FBRSL1: variants seen among roughly 807,000 people sequenced by gnomAD.
FBRSL1 encodes the protein fibrosin like 1.
Under a neutral mutation model 89.6 loss-of-function variants are expected in FBRSL1, and 51 were observed. That is an observed-to-expected ratio of 0.57 (90% confidence interval 0.45 to 0.72). The LOEUF (loss-of-function observed/expected upper bound fraction) is 0.72. Among genes scored for constraint, FBRSL1 ranks in the 30% least tolerant of loss-of-function variants. The pLI, the probability that FBRSL1 is intolerant of heterozygous loss-of-function variation, is 0.00. For missense variants in FBRSL1, 1,618 were observed against 1,451.8 expected (o/e 1.11, Z -1.86); for synonymous variants, 779 against 681.1 (o/e 1.14, Z -2.24).
intron 5 of FBRSL1, among the ~76,000 whole-genome samples, chr12:132,561,356 T>G (rs999593967): frequency 6.6e-6 from 1 of 152,066 alleles, no homozygotes; most frequent in Non-Finnish European, 1.5e-5. Context: ...GGGCGCCCCC[T>G]TGTGGCCCTG....
intron 5 of FBRSL1, chr12:132,560,345 C>T (rs1200751081): frequency 6.6e-6 from 1 of 152,258 alleles, no homozygotes; most frequent in Non-Finnish European, 1.5e-5. Context: ...GCCTTCTGCC[C>T]ACACCGCCTC....
chr12:132,531,471 C>T (rs895913614), intron 4 of FBRSL1, among the ~76,000 whole-genome samples: 2 of 152,034 alleles, frequency 1.3e-5, no homozygotes, highest in African/African-American at 4.8e-5. Context: ...CCGTGGTACC[C>T]CCGTGTGGTG....
At chr12:132,524,502 C>T (rs1047740322) in intron 2 of FBRSL1, among the ~76,000 whole-genome samples, 3 of 152,220 alleles carry the variant, frequency 2.0e-5, no homozygotes, top group African/African-American at 7.2e-5. Context: ...CTGGCTGAGC[C>T]GAAGGTCGGC....
At chr12:132,572,198 C>T in intron 9 of FBRSL1, 90 bp from the exon 10 acceptor site, 3 of 1,242,990 alleles carry the variant, frequency 2.4e-6, no homozygotes, top group Non-Finnish European at 2.3e-6. Context: ...GCCGTCCTGT[C>T]ACTGCCCAGC....
At position 132,570,087 on chromosome 12, in the gene FBRSL1, C is replaced by A; in HGVS notation, c.853C>A (p.Pro285Thr). ...GCCCCCGCCCGGCTCCCGCGCCAAT[C>A]CCTTGGTGAAGAAGGAACCCCCCGC... is the stretch of plus-strand genomic sequence containing the variant. ...PGPPPGSRANPLVKKEPPAPH... is the reference protein window; with the variant it reads ...PGPPPGSRANTLVKKEPPAPH... The change falls in exon 7 of 19, where the codon CCC becomes ACC. Residue 285 changes from proline to threonine, a missense_variant. Pro to Thr is a conservative substitution (Grantham distance 38, BLOSUM62 -1). Coordinates refer to ENST00000680143, the MANE Select transcript of FBRSL1 (RefSeq NM_001367871.1). 6.7e-7 allele frequency: 1 copy of A among 1,487,632 alleles called. No individual in the cohort carries two copies. 92.2% of individuals were successfully genotyped at this position (1,487,632 alleles called of 1,614,324 possible).
Position 132,576,814 on chromosome 12 carries a change from C to A in FBRSL1, c.1717C>A (p.Pro573Thr), listed in dbSNP as rs2040411611. 1.3e-6 allele frequency: 2 copies of A among 1,550,704 alleles called. No homozygotes were observed. The highest frequency in any genetic ancestry group is 1.4e-5 in the African/African-American group (1 of 73,024). The part of the protein sequence containing the change: ...QQKIKEMQLD[P>T]HKLEVGAKLD... ...ATCCTCCCAGGAGATGCAGCTGGACCCCCACAAGCTGGAGGTGGGTGCAAA... is the reference window on the plus strand; with the variant it reads ...ATCCTCCCAGGAGATGCAGCTGGACACCCACAAGCTGGAGGTGGGTGCAAA... The change falls in exon 15 of 19, where the codon CCC becomes ACC. Residue 573 changes from proline (P) to threonine (T), a missense_variant. Physicochemically the swap from Pro to Thr is conservative, Grantham distance 38. Transcript: ENST00000680143.
At chr12:132,528,410 GTGTGAGCAGCCACCTCCAATGCCCTGA>G (rs1566147293) in intron 4 of FBRSL1, among the ~76,000 whole-genome samples, 1 of 152,160 alleles carries the variant, frequency 6.6e-6, no homozygotes, top group African/African-American at 2.4e-5. Context: ...GGTGCCCATG[GTGTGAGCAGCCACCTCCAATGCCCTGA>G]CCGGCACCTG....
At chr12:132,572,653 A>C (rs1420218628) in intron 11 of FBRSL1, 31 bp downstream of exon 11, 6 of 1,480,576 alleles carry the variant, frequency 4.1e-6, no homozygotes, top group South Asian at 2.4e-5. Flanking sequence ...TGGGGCGGGC[A>C]CAGCGGGTGG....
In FBRSL1 at chr12:132,490,866, G is replaced by A; in HGVS notation, c.291+5G>A. The A allele has an allele frequency of 7.9e-7, 1 of 1,259,572 alleles. No individual in the cohort carries two copies. Among genetic ancestry groups the A allele is most frequent in the Non-Finnish European group, 1.1e-6 (1 of 951,674 alleles). The allele number at this position is 1,259,572 out of a possible 1,614,324, so 78.0% of individuals were successfully genotyped here. On this transcript the variant is annotated splice_donor_5th_base_variant and intron_variant, in intron 1 of 18. Coordinates refer to ENST00000680143, the MANE Select transcript of FBRSL1 (RefSeq NM_001367871.1). The stretch of plus-strand genomic sequence containing the variant: ...AGCACCCTGGAGGCCCTGGAGGTAG[G>A]TGGACGGGTGCGGCTTCGCAGGCGT...
At chr12:132,539,220 G>A (rs1311121467) in intron 4 of FBRSL1, among the ~76,000 whole-genome samples, 1 of 152,096 alleles carries the variant, frequency 6.6e-6, no homozygotes, top group Non-Finnish European at 1.5e-5. Flanking sequence ...CTGGGGAGCG[G>A]GCGGAGAGTG....
Position 132,503,016 on chromosome 12 carries a change from C to G in FBRSL1, c.292-5137C>G, listed in dbSNP as rs181816512. 3.7e-3 allele frequency among the ~76,000 whole-genome samples: 561 copies of G among 152,058 alleles called. 6 individuals carry two copies. Among genetic ancestry groups the G allele is most frequent in the African/African-American group, 0.013 (520 of 41,482 alleles). ...TCCGACTTGTCTGCAGGTAGCTCTT[C>G]CCGGCCCGCACAGGGCCAGGCCACA... On this transcript the variant is annotated intron_variant, in intron 1 of 18. Transcript: ENST00000680143.
chr12:132,509,307 G>C, intron 2 of FBRSL1: 2 of 1,249,180 alleles, frequency 1.6e-6, no homozygotes, highest in Non-Finnish European at 2.0e-6. Flanking sequence ...CCCGGACCCT[G>C]GGCAGCCCTG....
chr12:132,515,283 T>G (rs4883522), intron 2 of FBRSL1, among the ~76,000 whole-genome samples: 10,745 of 152,204 alleles, frequency 0.071, 462 homozygotes, highest in Middle Eastern at 0.14. Context: ...ACCACCCAGA[T>G]GACTGGGCTA....
chr12:132,568,564 C>T (rs754313013), intron 6 of FBRSL1, among the ~76,000 whole-genome samples: 9 of 152,394 alleles, frequency 5.9e-5, no homozygotes, highest in Non-Finnish European at 1.2e-4. Context: ...CGGACAATGT[C>T]CCAGTGAGGG....
At chr12:132,501,005 C>T (rs2032879003) in intron 1 of FBRSL1, among the ~76,000 whole-genome samples, 1 of 152,236 alleles carries the variant, frequency 6.6e-6, no homozygotes, top group Non-Finnish European at 1.5e-5. Flanking sequence ...CGTGCCTCTC[C>T]CCAGGGACCA....
In FBRSL1 at chr12:132,569,942, G is replaced by A; in HGVS notation, c.708G>A (p.Lys236=). The A allele has an allele frequency of 3.5e-6, 5 of 1,420,044 alleles. No individual in the cohort carries two copies. Among genetic ancestry groups the A allele is most frequent in the Non-Finnish European group, 3.7e-6 (4 of 1,094,678 alleles). The allele number at this position is 1,420,044 out of a possible 1,614,324, so 88.0% of individuals were successfully genotyped here. A position where few individuals can be genotyped will look rare whatever the true frequency, so the allele number is the denominator to read the frequency against. Residue 236 remains lysine, a synonymous_variant, in exon 7 of 19, where the codon AAG becomes AAA. Transcript: ENST00000680143. The stretch of plus-strand genomic sequence containing the variant: ...TCTCTGCAGGCCCAGCGCTTGAGAA[G>A]TCGGAGGCCAAGGCCGGGCCGGTGC... ...PGTDKGPALE[K]SEAKAGPVPK... is the part of the protein sequence containing the mutation.
Position 132,571,139 on chromosome 12 carries a change from A to G in FBRSL1, c.1285A>G (p.Thr429Ala). The G allele has an allele frequency of 4.3e-6, 6 of 1,393,112 alleles. No individual in the cohort carries two copies. The highest frequency in any genetic ancestry group is 5.6e-6 in the Non-Finnish European group (6 of 1,074,628). 86.3% of individuals were successfully genotyped at this position (1,393,112 alleles called of 1,614,324 possible). Residue 429 changes from threonine (T) to alanine (A), a missense_variant, in exon 9 of 19, where the codon ACT (threonine) becomes GCT (alanine). Thr to Ala is a moderately conservative substitution (Grantham distance 58, BLOSUM62 0). Coordinates refer to ENST00000680143, the MANE Select transcript of FBRSL1 (RefSeq NM_001367871.1). ...GCCTCATTCGGGAATTCTGATTGGT[A>G]CTTGGTCACAGGCTCCTCTCTTACC... ...CQPHSGILIGTWSQAPLLPAP... is the reference protein window; with the variant it reads ...CQPHSGILIGAWSQAPLLPAP...
intron 4 of FBRSL1, among the ~76,000 whole-genome samples, chr12:132,536,999 G>A (rs2036818949): frequency 6.6e-6 from 1 of 152,192 alleles, no homozygotes; most frequent in Non-Finnish European, 1.5e-5. Flanking sequence ...GCACTCGGGG[G>A]TCTTCAGGCT....
At chr12:132,510,800 C>T (rs763578774) in intron 2 of FBRSL1, 74 of 1,130,254 alleles carry the variant, frequency 6.5e-5, no homozygotes, top group Non-Finnish European at 7.2e-5. Context: ...GGAACACAGC[C>T]CCTGAGGGCG....
Sources: gnomAD v4.1 joint callset for allele counts (sites outside exome capture counted in the v4.1 genomes callset) on GRCh38, gnomAD v4.1.1 for gene constraint, MANE v1.5 for transcripts, NCBI Gene and HGNC (gene_info 2026-07-23, HGNC 2026-07-21) for gene names.